The following CATSPERB variants were observed in gnomAD, a reference collection of about 807,000 sequenced individuals.
CATSPERB encodes the protein cation channel sperm-associated auxiliary subunit beta.
In CATSPERB, 93 loss-of-function variants were observed where a neutral mutation model predicts 128.3. That is an observed-to-expected ratio of 0.72 (90% confidence interval 0.61 to 0.86). The LOEUF (loss-of-function observed/expected upper bound fraction) is 0.86, where lower values mean the gene tolerates loss of function less well. CATSPERB is among the 40% of genes least tolerant of loss of function. The pLI is 0.00. For missense variants in CATSPERB, 1,153 were observed against 1,329.5 expected (o/e 0.87, Z 2.06); for synonymous variants, 381 against 448.8 (o/e 0.85, Z 1.91).
chr14:91,693,326 T>G, intron 8 of CATSPERB, 58 bp downstream of exon 8: 1 of 1,539,754 alleles, frequency 6.5e-7, no homozygotes, highest in Non-Finnish European at 9.0e-7. Flanking sequence ...TTATAGATAT[T>G]AATCAAATAT....
intron 5 of CATSPERB, 40 bp downstream of exon 5, chr14:91,719,378 C>T: frequency 7.3e-7 from 1 of 1,373,774 alleles, no homozygotes; most frequent in Non-Finnish European, 1.0e-6. Context: ...TTGATAAATC[C>T]AGACCCAGGG....
At chr14:91,637,437 G>T (rs1172483439) in intron 16 of CATSPERB, among the ~76,000 whole-genome samples, 1 of 152,146 alleles carries the variant, frequency 6.6e-6, no homozygotes, top group East Asian at 1.9e-4. Flanking sequence ...TCACTGAAAT[G>T]GCTAAACATC....
chr14:91,649,589 T>C (rs191348999), intron 15 of CATSPERB, among the ~76,000 whole-genome samples: 85 of 151,130 alleles, frequency 5.6e-4, no homozygotes, highest in Admixed American at 5.1e-3. Context: ...CTCCACCTCC[T>C]GGGTTCAAGC....
intron 17 of CATSPERB, among the ~76,000 whole-genome samples, chr14:91,629,944 C>A: frequency 6.6e-6 from 1 of 152,080 alleles, no homozygotes; most frequent in East Asian, 1.9e-4. Context: ...GAAAACACTG[C>A]AAAAAGACAA....
At chr14:91,616,733 C>CTTTTTTT (rs1555360386) in intron 20 of CATSPERB, among the ~76,000 whole-genome samples, 6 of 84,482 alleles carry the variant, frequency 7.1e-5, no homozygotes, top group Non-Finnish European at 1.1e-4. Context: ...AAGTATTCCC[C>CTTTTTTT]TTTTTTTTTT....
intron 26 of CATSPERB, among the ~76,000 whole-genome samples, chr14:91,585,404 T>C (rs1209352978): frequency 6.6e-6 from 1 of 152,244 alleles, no homozygotes; most frequent in Non-Finnish European, 1.5e-5. Context: ...CTTCTTAAAA[T>C]ACTTTTTCTT....
chr14:91,624,979 C>A lies in CATSPERB; in HGVS notation c.1771G>T (p.Val591Leu). 1.3e-6 allele frequency: 2 copies of A among 1,595,392 alleles called. No individual in the cohort carries two copies. Among genetic ancestry groups the A allele is most frequent in the Non-Finnish European group, 1.7e-6 (2 of 1,174,616 alleles). The change falls in exon 18 of 27, where the codon GTA becomes TTA. Residue 591 changes from valine (V) to leucine (L), a missense_variant. Val to Leu is a conservative substitution (Grantham distance 32). Coordinates refer to ENST00000256343, the MANE Select transcript of CATSPERB (RefSeq NM_024764.4). Reference sequence around the variant, plus strand: ...CCTTTAGGAGTCGTATGTTGCAATACCTTTCTTATGTAAGCTCTTCCAGTT... The same window carrying A: ...CCTTTAGGAGTCGTATGTTGCAATAACTTTCTTATGTAAGCTCTTCCAGTT... ...GKTGRAYIRK[V>L]LQHTTPKGFL...
intron 18 of CATSPERB, 27 bp downstream of exon 18, chr14:91,624,793 A>C: frequency 2.0e-6 from 3 of 1,483,046 alleles, no homozygotes; most frequent in Non-Finnish European, 2.7e-6. Context: ...TCTAGCCATC[A>C]GAGATGTATG....
chr14:91,581,078 G>C lies in CATSPERB; in HGVS notation c.3162C>G (p.Phe1054Leu). ...QIYVDEAPLPFPGHTLIAVAT... is the reference protein window; with the variant it reads ...QIYVDEAPLPLPGHTLIAVAT... ...CCACGGCAATAAGCGTGTGTCCTGGGAATGGCAATGGTGCCTCATCAACAT... is the reference window on the plus strand; with the variant it reads ...CCACGGCAATAAGCGTGTGTCCTGGCAATGGCAATGGTGCCTCATCAACAT... Residue 1054 changes from phenylalanine to leucine, a missense_variant, in exon 27 of 27, where the codon TTC becomes TTG. Coordinates refer to ENST00000256343, the MANE Select transcript of CATSPERB (RefSeq NM_024764.4). 2 of 1,614,118 alleles carry C rather than the reference G, an allele frequency of 1.2e-6. No homozygotes were observed. Among genetic ancestry groups the C allele is most frequent in the Non-Finnish European group, 1.7e-6 (2 of 1,179,968 alleles).
chr14:91,704,413 T>C (rs548381239), intron 7 of CATSPERB, 139 bp downstream of exon 7: 21 of 797,778 alleles, frequency 2.6e-5, no homozygotes, highest in Non-Finnish European at 3.9e-5. Flanking sequence ...GATACAGTAT[T>C]GAATAATAAA....
chr14:91,616,769 T>G (rs1168226126), intron 20 of CATSPERB, among the ~76,000 whole-genome samples: 1 of 143,922 alleles, frequency 6.9e-6, no homozygotes, highest in Admixed American at 7.2e-5. Context: ...GAGACAGAGT[T>G]TCACTCTTGT....
At chr14:91,625,835 T>C (rs1330333927) in intron 17 of CATSPERB, among the ~76,000 whole-genome samples, 2 of 152,142 alleles carry the variant, frequency 1.3e-5, no homozygotes, top group Non-Finnish European at 2.9e-5. Context: ...ATCACAAAAA[T>C]TAACTCTAGG....
rs559090839 is a variant in CATSPERB at position 91,720,678 on chromosome 14, A to G, written c.310-1200T>C. Among the ~76,000 whole-genome samples the G allele has an allele frequency of 3.3e-5, 5 of 152,324 alleles. No homozygotes were observed. The East Asian group carries it at 7.7e-4, about 23-fold the overall frequency. On this transcript the variant is annotated intron_variant, in intron 4 of 26. Coordinates refer to ENST00000256343, the MANE Select transcript of CATSPERB (RefSeq NM_024764.4). ...ACTACCCAAATGTATCTACAGATTC[A>G]ATACAGTCCTTATCAGAATCCCAGA...
rs1324947272 is a variant in CATSPERB at position 91,636,496 on chromosome 14, C to A, written c.1671G>T (p.Glu557Asp). 1 of 1,613,978 alleles carries A rather than the reference C, an allele frequency of 6.2e-7. No homozygotes were observed. Among genetic ancestry groups the A allele is most frequent in the Admixed American group, 1.7e-5 (1 of 60,002 alleles). The change falls in exon 17 of 27, where the codon GAG becomes GAT. Residue 557 changes from glutamate (E) to aspartate (D), a missense_variant. Glu to Asp is a conservative substitution (Grantham distance 45, BLOSUM62 2). Transcript: ENST00000256343. Reference protein sequence around the residue: ...DEIIFFAYVPENEPQETIYSK... With the variant: ...DEIIFFAYVPDNEPQETIYSK... ...TGTAGATCGTTTCCTGGGGTTCGTT[C>A]TCAGGTACATATGCAAAAAAGATAA...
chr14:91,681,712 G>T (rs1292746438), intron 11 of CATSPERB, among the ~76,000 whole-genome samples: 1 of 152,168 alleles, frequency 6.6e-6, no homozygotes, highest in Non-Finnish European at 1.5e-5. Flanking sequence ...TTAAGGTACT[G>T]CTAAAAAGTC....
rs569397947 is a variant in CATSPERB, at chr14:91,654,451, T to A, written c.1432+5386A>T. Among the ~76,000 whole-genome samples, 10 of 152,288 alleles carry A rather than the reference T, an allele frequency of 6.6e-5. No individual in the cohort carries two copies. In the South Asian group the frequency reaches 1.9e-3, roughly 28 times the overall value. On this transcript the variant is annotated intron_variant, in intron 15 of 26. Transcript: ENST00000256343. ...GAAGAGCCCTTGGACCTTGAGTGAA[T>A]AGTGGCGGTAGCCAGGGGGTAATTG...
intron 9 of CATSPERB, among the ~76,000 whole-genome samples, 182 bp downstream of exon 9, chr14:91,692,944 A>T (rs1895495993): frequency 6.6e-6 from 1 of 152,200 alleles, no homozygotes; most frequent in African/African-American, 2.4e-5. Context: ...ACCACTTCCA[A>T]ATTATATATT....
chr14:91,657,098 A>G (rs1308315110), intron 15 of CATSPERB, among the ~76,000 whole-genome samples: 1 of 152,088 alleles, frequency 6.6e-6, no homozygotes, highest in Non-Finnish European at 1.5e-5. Flanking sequence ...ACCTTTGGAC[A>G]TGATTTTCTG....
At chr14:91,630,283 C>A (rs988333948) in intron 17 of CATSPERB, among the ~76,000 whole-genome samples, 1 of 152,172 alleles carries the variant, frequency 6.6e-6, no homozygotes, top group Non-Finnish European at 1.5e-5. Flanking sequence ...TTAGCCCAGG[C>A]TCTCTTCCTG....
Sources: allele counts gnomAD v4.1 joint callset (sites outside exome capture counted in the v4.1 genomes callset), GRCh38; gene constraint gnomAD v4.1.1; transcripts MANE v1.5; gene names NCBI Gene and HGNC (gene_info 2026-07-23, HGNC 2026-07-21).